NCAPG2: variants seen among roughly 807,000 people sequenced by gnomAD.
NCAPG2 encodes non-SMC condensin II complex subunit G2.
Under a neutral mutation model 141.1 loss-of-function variants are expected in NCAPG2, and 53 were observed. The observed-to-expected ratio is 0.38, with a 90% CI of 0.30 to 0.47. NCAPG2 has a LOEUF of 0.47. Among genes scored for constraint, NCAPG2 ranks in the 20% least tolerant of loss-of-function variants. The pLI, the probability that NCAPG2 is intolerant of heterozygous loss-of-function variation, is 0.99. For missense variants in NCAPG2, 1,087 were observed against 1,389.0 expected, an observed-to-expected ratio of 0.78 and a Z score of 3.46; for synonymous variants, 499 against 490.7, an observed-to-expected ratio of 1.02 and a Z score of -0.22.
chr7:158,656,901 G>C (rs1832023001), intron 17 of NCAPG2, among the ~76,000 whole-genome samples, 196 bp from the exon 18 acceptor site: 1 of 152,098 alleles, frequency 6.6e-6, no homozygotes, highest in African/African-American at 2.4e-5. Context: ...CCCACCACAA[G>C]ACCTGAGACC....
At chr7:158,650,478 C>T (rs143413722) in intron 24 of NCAPG2, among the ~76,000 whole-genome samples, 120 of 152,278 alleles carry the variant, frequency 7.9e-4, no homozygotes, top group African/African-American at 2.8e-3. Flanking sequence ...ATTCTGCTCA[C>T]CACTGATTAC....
chr7:158,691,322 G>A (rs1835105442), intron 4 of NCAPG2, among the ~76,000 whole-genome samples: 1 of 152,170 alleles, frequency 6.6e-6, no homozygotes, highest in Admixed American at 6.5e-5. Flanking sequence ...GAAGTTGATA[G>A]CAACTACAGT....
chr7:158,647,714 G>A (rs1012301409), intron 24 of NCAPG2, among the ~76,000 whole-genome samples: 10 of 151,040 alleles, frequency 6.6e-5, no homozygotes, highest in Admixed American at 5.9e-4. Context: ...TTTTTTAAGA[G>A]ACATAGTCTC....
In NCAPG2 at chr7:158,662,362, C is replaced by G. The variant is rs1401963601; in HGVS notation, c.1821G>C (p.Leu607=). 6.4e-7 allele frequency: 1 copy of G among 1,557,578 alleles called. No homozygotes were observed. The highest frequency in any genetic ancestry group is 2.0e-5 in the Admixed American group (1 of 49,304). The part of the protein sequence containing the change: ...DGREKENVTV[L]DKTLSVNDVA... ...CATCGTTTACTGACAGTGTTTTGTC[C>G]AGAACCTAAGATAAAAATAATTTTA... The change falls in exon 16 of 28, where the codon CTG becomes CTC. Residue 607 remains leucine, a synonymous_variant. Transcript: ENST00000356309.
rs1832556510 is a variant in NCAPG2 at position 158,662,106 on chromosome 7, G to A, written c.1989+88C>T. ...TTTACAGATGAGAACACAGATCCAG[G>A]GAGGTAAACATGTTTGAGAACTTTT... On this transcript the variant is annotated intron_variant, in intron 16 of 27. Transcript: ENST00000356309. 7 of 1,235,428 alleles carry A rather than the reference G, an allele frequency of 5.7e-6. No individual in the cohort carries two copies. In the South Asian group the frequency reaches 8.1e-5, roughly 14 times the overall value. The allele number at this position is 1,235,428 out of a possible 1,614,324, so 76.5% of individuals were successfully genotyped here. A position where few individuals can be genotyped will look rare whatever the true frequency, so the allele number is the denominator to read the frequency against.
chr7:158,644,383 G>A lies in NCAPG2; in HGVS notation c.3286C>T (p.His1096Tyr). 6.2e-7 allele frequency: 1 copy of A among 1,611,502 alleles called. No homozygotes were observed. Among genetic ancestry groups the A allele is most frequent in the Non-Finnish European group, 8.5e-7 (1 of 1,177,748 alleles). The change falls in exon 27 of 28, where the codon CAT becomes TAT. Residue 1096 changes from histidine (H) to tyrosine (Y), a missense_variant. Coordinates refer to ENST00000356309, the MANE Select transcript of NCAPG2 (RefSeq NM_017760.7). ...HIILVINAGK[H>Y]KSSKVREVAA... Reference sequence around the variant, plus strand: ...ACCTCCCTCACTTTTGAGCTTTTATGTTTACCTGGGAAAATTATATTAAAA... The same window carrying A: ...ACCTCCCTCACTTTTGAGCTTTTATATTTACCTGGGAAAATTATATTAAAA...
chr7:158,698,999 C>T (rs2129469619), intron 2 of NCAPG2, among the ~76,000 whole-genome samples: 1 of 152,102 alleles, frequency 6.6e-6, no homozygotes, highest in African/African-American at 2.4e-5. Context: ...GTTGCCCAGG[C>T]CAGTGTTATC....
chr7:158,660,574 G>A (rs1461126756), intron 16 of NCAPG2, among the ~76,000 whole-genome samples: 1 of 151,892 alleles, frequency 6.6e-6, no homozygotes, highest in Admixed American at 6.6e-5. Flanking sequence ...AGGCCATCAA[G>A]CCCAGCTAAT....
intron 13 of NCAPG2, among the ~76,000 whole-genome samples, chr7:158,666,766 AAAAT>A (rs1024617401): frequency 8.6e-5 from 13 of 151,744 alleles, no homozygotes; most frequent in East Asian, 5.8e-4. Flanking sequence ...GTCTCAAAAA[AAAAT>A]AAATAAATAA....
chr7:158,684,123 T>C (rs973216211), intron 8 of NCAPG2, among the ~76,000 whole-genome samples: 4 of 152,246 alleles, frequency 2.6e-5, no homozygotes, highest in Admixed American at 2.6e-4. Flanking sequence ...CCCCATTATA[T>C]TTGAAAATAT....
At chr7:158,672,481 T>C (rs1265300927) in intron 12 of NCAPG2, among the ~76,000 whole-genome samples, 6 of 150,856 alleles carry the variant, frequency 4.0e-5, no homozygotes, top group African/African-American at 1.5e-4. Context: ...TAGCTGAGAC[T>C]ACAGGCGCCC....
chr7:158,652,283 T>G lies in NCAPG2; in HGVS notation c.2934+10A>C, dbSNP rs1466210. On this transcript the variant is annotated intron_variant, in intron 23 of 27. Transcript: ENST00000356309. The stretch of plus-strand genomic sequence containing the variant: ...ATCTAGCGAACCCCGTCCTGGGGAG[T>G]TCTGAGTACCCGCAGGCCTTCTTCC... The G allele has an allele frequency of 0.72, 1,165,695 of 1,610,884 alleles. 424,198 individuals carry two copies. Among genetic ancestry groups the G allele is most frequent in the East Asian group, 0.96 (43,180 of 44,860 alleles).
rs754703703 is a variant in NCAPG2 at position 158,680,082 on chromosome 7, TG to T, written c.1023del (p.Arg342GlufsTer44). On this transcript the variant is annotated frameshift_variant and splice_region_variant, in exon 11 of 28. Transcript: ENST00000356309. LOFTEE classifies it high-confidence loss of function. ...YKPILWRGLKARNSEVRSNAA... is the reference protein window; with the variant it reads ...YKPILWRGLKXRNSEVRSNAA... ...GCATTTGATCGAACTTCAGAGTTTC[TG>T]GCCTATAATAATAAAAGAAGAGTAT... 2.5e-6 allele frequency: 4 copies of T among 1,613,524 alleles called. No individual in the cohort carries two copies. The South Asian group carries it at 4.4e-5, about 18-fold the overall frequency.
In NCAPG2 at chr7:158,664,770, G is replaced by T; in HGVS notation, c.1480-20C>A. ...CCAAAACTGTGCAAAAAGCACATAT[G>T]CAGAAGGAAATAATCAATTGTGCCT... On this transcript the variant is annotated intron_variant, in intron 13 of 27. Coordinates refer to ENST00000356309, the MANE Select transcript of NCAPG2 (RefSeq NM_017760.7). 1.3e-6 allele frequency: 2 copies of T among 1,592,832 alleles called. No homozygotes were observed. The highest frequency in any genetic ancestry group is 1.7e-6 in the Non-Finnish European group (2 of 1,162,228).
chr7:158,680,949 C>A, intron 9 of NCAPG2, 133 bp from the exon 10 acceptor site: 1 of 582,034 alleles, frequency 1.7e-6, no homozygotes, highest in South Asian at 3.0e-5. Flanking sequence ...ATCCACATGT[C>A]ATGACAATTC....
rs922885498 is a variant in NCAPG2, at chr7:158,704,759, C to T, written c.-75G>A. Reference sequence around the variant, plus strand: ...GGACCCGCCGTTTCCCGCGCTCGGACCAGATTCAAACGCACCCGCCGGCGC... The same window carrying T: ...GGACCCGCCGTTTCCCGCGCTCGGATCAGATTCAAACGCACCCGCCGGCGC... On this transcript the variant is annotated 5_prime_UTR_variant, in exon 1 of 28. Coordinates refer to ENST00000356309, the MANE Select transcript of NCAPG2 (RefSeq NM_017760.7). The T allele has an allele frequency of 6.6e-6, 1 of 152,368 alleles. No individual in the cohort carries two copies. The highest frequency in any genetic ancestry group is 2.1e-4 in the South Asian group (1 of 4,842). The allele number at this position is 152,368 out of a possible 1,614,324, so 9.4% of individuals were successfully genotyped here.
intron 13 of NCAPG2, among the ~76,000 whole-genome samples, chr7:158,667,403 C>G (rs1341748481): frequency 4.9e-5 from 3 of 61,322 alleles, no homozygotes; most frequent in East Asian, 1.1e-3. Context: ...GGTCCCTCCG[C>G]CCTCCTTACC....
intron 13 of NCAPG2, among the ~76,000 whole-genome samples, chr7:158,668,802 G>A (rs931336567): frequency 2.6e-5 from 4 of 152,194 alleles, no homozygotes; most frequent in Non-Finnish European, 4.4e-5. Flanking sequence ...AATGCAGGAT[G>A]TGCAGGTTTG....
intron 16 of NCAPG2, among the ~76,000 whole-genome samples, chr7:158,658,808 T>C (rs1023965567): frequency 2.0e-5 from 3 of 151,910 alleles, no homozygotes; most frequent in Admixed American, 6.6e-5. Flanking sequence ...TGAACACAAA[T>C]CTCAAAAGAA....
Sources: gnomAD v4.1 joint callset for allele counts (sites outside exome capture counted in the v4.1 genomes callset) on GRCh38, gnomAD v4.1.1 for gene constraint, MANE v1.5 for transcripts, NCBI Gene and HGNC (gene_info 2026-07-23, HGNC 2026-07-21) for gene names.